The following LARGE1 variants were observed in gnomAD, a reference collection of about 807,000 sequenced individuals.
LARGE1 encodes xylosyl- and glucuronyltransferase LARGE1.
LARGE1 carries 43 observed loss-of-function variants against 87.6 expected under a neutral mutation model. The ratio of observed to expected loss-of-function variants is 0.49; its 90% CI spans 0.38 to 0.63. The LOEUF (loss-of-function observed/expected upper bound fraction) is 0.63. LARGE1 is among the 30% of genes least tolerant of loss of function. The pLI, the probability that LARGE1 is intolerant of heterozygous loss-of-function variation, is 0.00. For missense variants in LARGE1, 802 were observed against 1,000.2 expected (o/e 0.80, Z 2.67); for synonymous variants, 434 against 394.6 (o/e 1.10, Z -1.18).
In LARGE1 at chr22:33,657,538, A is replaced by G. The variant is rs542609139; in HGVS notation, c.107-6870T>C. Among the ~76,000 whole-genome samples the G allele has an allele frequency of 7.9e-5, 12 of 152,242 alleles. No individual in the cohort carries two copies. The South Asian group carries it at 1.2e-3, about 16-fold the overall frequency. On this transcript the variant is annotated intron_variant, in intron 2 of 14. Coordinates refer to ENST00000397394, the MANE Select transcript of LARGE1 (RefSeq NM_133642.5). ...AGCATAAAAGCGGCCATAGAAATAC[A>G]TAACAAATGGCTGTGGCTGTGTTCC...
intron 1 of LARGE1, among the ~76,000 whole-genome samples, chr22:33,794,727 C>A (rs62225446): frequency 0.073 from 11,047 of 152,084 alleles, 518 homozygotes; most frequent in Admixed American, 0.11. Context: ...TCAAGCAATT[C>A]TCCTGACTCA....
chr22:33,849,989 AAAG>A (rs1341373156), intron 1 of LARGE1, among the ~76,000 whole-genome samples: 1 of 152,208 alleles, frequency 6.6e-6, no homozygotes, highest in Non-Finnish European at 1.5e-5. Context: ...TGGAGAGATT[AAAG>A]AAGGAGCCCA....
chr22:33,375,004 TAAA>T (rs1301458429), intron 9 of LARGE1, among the ~76,000 whole-genome samples: 1 of 152,172 alleles, frequency 6.6e-6, no homozygotes, highest in East Asian at 1.9e-4. Context: ...TATAGGTTAA[TAAA>T]AACTTTAAGA....
intron 9 of LARGE1, among the ~76,000 whole-genome samples, chr22:33,358,020 C>T (rs1051252390): frequency 6.6e-6 from 1 of 152,108 alleles, no homozygotes; most frequent in Non-Finnish European, 1.5e-5. Context: ...GGTGCTCTGC[C>T]ATGTCTGCTG....
At chr22:33,696,259 C>CTTTTTT (rs1569380095) in intron 2 of LARGE1, among the ~76,000 whole-genome samples, 1 of 121,698 alleles carries the variant, frequency 8.2e-6, no homozygotes, top group Admixed American at 8.4e-5. Context: ...TTCTTTCTTT[C>CTTTTTT]TTTCTTTTTT....
At chr22:33,132,248 A>G in the LARGE1 span, among the ~76,000 whole-genome samples, 4 of 152,020 alleles carry the variant, frequency 2.6e-5, no homozygotes, top group South Asian at 6.2e-4. Flanking sequence ...CAGTGGCACA[A>G]TCACAGCTTA....
At chr22:33,461,038 C>A (rs1450826480) in intron 6 of LARGE1, among the ~76,000 whole-genome samples, 1 of 152,142 alleles carries the variant, frequency 6.6e-6, no homozygotes, top group African/African-American at 2.4e-5. Flanking sequence ...TTTCCAAGAA[C>A]ACGAACTTAC....
At chr22:33,839,248 G>C (rs1457470816) in intron 1 of LARGE1, among the ~76,000 whole-genome samples, 1 of 152,194 alleles carries the variant, frequency 6.6e-6, no homozygotes, top group Non-Finnish European at 1.5e-5. Flanking sequence ...CATGACAAAA[G>C]TGGGAGCAAG....
chr22:33,479,144 C>A (rs1234543856), intron 6 of LARGE1, among the ~76,000 whole-genome samples: 1 of 152,212 alleles, frequency 6.6e-6, no homozygotes, highest in Non-Finnish European at 1.5e-5. Context: ...TGCTCTCCAA[C>A]TGGGGGGCGA....
chr22:33,908,452 A>C (rs1176559957), intron 1 of LARGE1, among the ~76,000 whole-genome samples: 1 of 150,928 alleles, frequency 6.6e-6, no homozygotes, highest in Non-Finnish European at 1.5e-5. Context: ...ACCGGGCAGG[A>C]GGGGTATGTG....
intron 1 of LARGE1, among the ~76,000 whole-genome samples, chr22:33,853,601 T>G (rs1240206520): frequency 6.6e-6 from 1 of 152,184 alleles, no homozygotes; most frequent in Non-Finnish European, 1.5e-5. Flanking sequence ...GTGGCCTACA[T>G]AACCCTTAAT....
chr22:33,380,614 G>A (rs779281917), intron 9 of LARGE1, among the ~76,000 whole-genome samples: 2 of 152,164 alleles, frequency 1.3e-5, no homozygotes, highest in African/African-American at 4.8e-5. Context: ...CTTATGATAT[G>A]CAACAAATGA....
At chr22:33,348,815 T>C (rs1940070908) in intron 9 of LARGE1, among the ~76,000 whole-genome samples, 1 of 151,976 alleles carries the variant, frequency 6.6e-6, no homozygotes, top group Admixed American at 6.6e-5. Flanking sequence ...CCAAATCTCA[T>C]CTTGAATTGT....
intron 2 of LARGE1, among the ~76,000 whole-genome samples, chr22:33,651,088 G>C (rs567309406): frequency 2.0e-5 from 3 of 151,404 alleles, no homozygotes; most frequent in African/African-American, 7.3e-5. Flanking sequence ...CGAGTAATAA[G>C]GAAAAAATAA....
intron 6 of LARGE1, among the ~76,000 whole-genome samples, chr22:33,451,165 T>C (rs2067901366): frequency 6.6e-6 from 1 of 152,144 alleles, no homozygotes; most frequent in East Asian, 1.9e-4. Context: ...TGTAAGACAC[T>C]GCCTTTGAAT....
intron 7 of LARGE1, among the ~76,000 whole-genome samples, chr22:33,389,519 C>T (rs1478751813): frequency 6.6e-6 from 1 of 152,184 alleles, no homozygotes; most frequent in Non-Finnish European, 1.5e-5. Flanking sequence ...GGATGTAGAG[C>T]AAGAGAGTGA....
At chr22:33,759,996 G>C (rs1287500924) in intron 2 of LARGE1, among the ~76,000 whole-genome samples, 1 of 152,166 alleles carries the variant, frequency 6.6e-6, no homozygotes, top group African/African-American at 2.4e-5. Context: ...CTGCTAGACA[G>C]GCACACAGTT....
chr22:33,496,092 T>C (rs1382149392), intron 6 of LARGE1, among the ~76,000 whole-genome samples: 1 of 152,150 alleles, frequency 6.6e-6, no homozygotes, highest in African/African-American at 2.4e-5. Flanking sequence ...GCTGAAGAAC[T>C]TGGAGTCCAA....
chr22:33,302,050 G>A (rs1393607487), intron 12 of LARGE1, among the ~76,000 whole-genome samples: 1 of 152,178 alleles, frequency 6.6e-6, no homozygotes, highest in Non-Finnish European at 1.5e-5. Flanking sequence ...GTGGAGGGTG[G>A]GCAGGGGTCC....
Sources: gnomAD v4.1 joint callset for allele counts (sites outside exome capture counted in the v4.1 genomes callset) on GRCh38, gnomAD v4.1.1 for gene constraint, MANE v1.5 for transcripts, NCBI Gene and HGNC (gene_info 2026-07-23, HGNC 2026-07-21) for gene names.